The following STT3B variants were observed in gnomAD, a reference collection of about 807,000 sequenced individuals.
STT3B encodes dolichyl-diphosphooligosaccharide--protein glycosyltransferase subunit STT3B.
Under a neutral mutation model 96.8 loss-of-function variants are expected in STT3B, and 29 were observed. That is an observed-to-expected ratio of 0.30 (90% CI 0.22 to 0.41). STT3B has a LOEUF of 0.41. STT3B is among the 10% of genes least tolerant of loss of function. The pLI, the probability that STT3B is intolerant of heterozygous loss-of-function variation, is 1.00. For synonymous variants in STT3B, 367 were observed against 360.0 expected (o/e 1.02, Z -0.22); for missense variants, 640 against 1,022.3 (o/e 0.63, Z 5.10).
chr3:31,572,038 G>GATATATTA (rs1272943458), intron 1 of STT3B, among the ~76,000 whole-genome samples: 1 of 39,832 alleles, frequency 2.5e-5, no homozygotes, highest in East Asian at 4.7e-4. Flanking sequence ...ATTAATATAT[G>GATATATTA]ATATATTAAT....
intron 1 of STT3B, among the ~76,000 whole-genome samples, chr3:31,551,260 C>T (rs569111619): frequency 2.0e-5 from 3 of 151,988 alleles, no homozygotes; most frequent in African/African-American, 7.2e-5. Flanking sequence ...CTGTCACCCA[C>T]AGTGGAGTGC....
At chr3:31,542,719 T>C (rs1237048405) in intron 1 of STT3B, among the ~76,000 whole-genome samples, 1 of 152,312 alleles carries the variant, frequency 6.6e-6, no homozygotes, top group East Asian at 1.9e-4. Flanking sequence ...CTCTAGTGTA[T>C]TTCTTGTAGA....
At chr3:31,602,237 C>CT (rs1698944068) in intron 5 of STT3B, among the ~76,000 whole-genome samples, 1 of 152,014 alleles carries the variant, frequency 6.6e-6, no homozygotes, top group Admixed American at 6.6e-5. Context: ...ATGTATTTCT[C>CT]TACCCCAAAA....
chr3:31,623,913 G>A lies in STT3B; in HGVS notation c.1727+52G>A, dbSNP rs149814711. On this transcript the variant is annotated intron_variant, in intron 11 of 15. Coordinates refer to ENST00000295770, the MANE Select transcript of STT3B (RefSeq NM_178862.3). ...CATTTTATACTTACACTTCTTTTTCGTTGTCTCAAAGGATATAATTAAAAA... is the reference window on the plus strand; with the variant it reads ...CATTTTATACTTACACTTCTTTTTCATTGTCTCAAAGGATATAATTAAAAA... 1,374 of 1,397,142 alleles carry A rather than the reference G, an allele frequency of 9.8e-4. 20 individuals carry two copies. The East Asian group carries it at 0.024, about 24-fold the overall frequency. The allele number at this position is 1,397,142 out of a possible 1,614,324, so 86.5% of individuals were successfully genotyped here.
At chr3:31,544,692 G>A (rs536122898) in intron 1 of STT3B, among the ~76,000 whole-genome samples, 4 of 152,296 alleles carry the variant, frequency 2.6e-5, no homozygotes, top group South Asian at 2.1e-4. Flanking sequence ...CACGGGGCGC[G>A]GTGGCTTATG....
At chr3:31,538,851 G>A (rs528078920) in intron 1 of STT3B, among the ~76,000 whole-genome samples, 1 of 152,176 alleles carries the variant, frequency 6.6e-6, no homozygotes, top group Middle Eastern at 3.4e-3. Context: ...TTCTGAGAAG[G>A]CTTCTGTTGT....
At chr3:31,625,270 C>T (rs1464303236) in intron 12 of STT3B, among the ~76,000 whole-genome samples, 185 bp downstream of exon 12, 1 of 152,048 alleles carries the variant, frequency 6.6e-6, no homozygotes, top group Non-Finnish European at 1.5e-5. Flanking sequence ...AAGAATGATA[C>T]TAAGTATCAT....
chr3:31,580,781 A>G (rs1240755203), intron 3 of STT3B, among the ~76,000 whole-genome samples: 1 of 152,128 alleles, frequency 6.6e-6, no homozygotes, highest in Non-Finnish European at 1.5e-5. Flanking sequence ...TTGCAATGTG[A>G]TCAGTATAGA....
intron 8 of STT3B, 82 bp downstream of exon 8, chr3:31,618,070 A>C: frequency 1.0e-6 from 1 of 992,992 alleles, no homozygotes; most frequent in South Asian, 1.3e-5. Context: ...TCAGTGTTTC[A>C]CTCAGTTCTT....
rs1699603716 is a variant in STT3B, at chr3:31,629,262, T to G, written c.2074-36T>G. 4 of 1,153,526 alleles carry G rather than the reference T, an allele frequency of 3.5e-6. No individual in the cohort carries two copies. The East Asian group carries it at 7.1e-5, about 20-fold the overall frequency. 71.5% of individuals were successfully genotyped at this position (1,153,526 alleles called of 1,614,324 possible). A position where few individuals can be genotyped will look rare whatever the true frequency, so the allele number is the denominator to read the frequency against. On this transcript the variant is annotated intron_variant, in intron 13 of 15. Transcript: ENST00000295770. Reference sequence around the variant, plus strand: ...AACTGTAGCTTTGAATATGTTAACTTGAACTAACATAGAACTTGTGGTTTC... The same window carrying G: ...AACTGTAGCTTTGAATATGTTAACTGGAACTAACATAGAACTTGTGGTTTC...
chr3:31,551,790 G>A (rs529988177), intron 1 of STT3B, among the ~76,000 whole-genome samples: 8 of 152,294 alleles, frequency 5.3e-5, no homozygotes, highest in Non-Finnish European at 1.0e-4. Flanking sequence ...ATTATGTGAC[G>A]TTGTGTAAAA....
rs60437490 is a variant in STT3B, at chr3:31,569,432, C to A, written c.315-6964C>A. ...GAGACGGTCTCTTTTTCCCTAAATGCCCCTTGCAGAAAAAGTTCATTAGCT... is the reference window on the plus strand; with the variant it reads ...GAGACGGTCTCTTTTTCCCTAAATGACCCTTGCAGAAAAAGTTCATTAGCT... On this transcript the variant is annotated intron_variant, in intron 1 of 15. Transcript: ENST00000295770. 2.6e-3 allele frequency among the ~76,000 whole-genome samples: 400 copies of A among 152,158 alleles called. 2 individuals carry two copies. Among genetic ancestry groups the A allele is most frequent in the African/African-American group, 9.4e-3 (392 of 41,498 alleles).
At chr3:31,616,140 A>G (rs1699302138) in intron 6 of STT3B, among the ~76,000 whole-genome samples, 1 of 151,916 alleles carries the variant, frequency 6.6e-6, no homozygotes, top group African/African-American at 2.4e-5. Context: ...TGAAGAGTGG[A>G]CAGTCATGTA....
intron 3 of STT3B, among the ~76,000 whole-genome samples, chr3:31,590,463 CTG>C (rs1575429075): frequency 6.6e-6 from 1 of 151,808 alleles, no homozygotes; most frequent in Non-Finnish European, 1.5e-5. Flanking sequence ...GCTGTAGTCT[CTG>C]TGTTTTAATA....
intron 3 of STT3B, among the ~76,000 whole-genome samples, chr3:31,582,806 G>A (rs1698441201): frequency 6.6e-6 from 1 of 152,048 alleles, no homozygotes; most frequent in African/African-American, 2.4e-5. Flanking sequence ...CTGTTGGTAA[G>A]TATCTTGTTT....
In STT3B at chr3:31,578,566, T is replaced by TC. The variant is rs1559372841; in HGVS notation, c.424-1243_424-1242insC. 4.7e-5 allele frequency among the ~76,000 whole-genome samples: 7 copies of TC among 150,398 alleles called. No individual in the cohort carries two copies. In the East Asian group the frequency reaches 8.7e-4, roughly 19 times the overall value. The stretch of plus-strand genomic sequence containing the variant: ...TATTTTAAATTCACTTTGTTTTTTT[T>TC]TCCCCCCCAGTATTGCTGACAAAAT... On this transcript the variant is annotated intron_variant, in intron 2 of 15. Coordinates refer to ENST00000295770, the MANE Select transcript of STT3B (RefSeq NM_178862.3).
intron 1 of STT3B, among the ~76,000 whole-genome samples, chr3:31,539,801 T>C (rs59595001): frequency 0.061 from 9,342 of 152,150 alleles, 961 homozygotes; most frequent in African/African-American, 0.21. Flanking sequence ...TCCAACTGAA[T>C]ATTGTTCTTA....
intron 3 of STT3B, among the ~76,000 whole-genome samples, chr3:31,580,964 C>T (rs967619562): frequency 2.2e-4 from 33 of 149,542 alleles, no homozygotes; most frequent in Non-Finnish European, 2.1e-4. Context: ...ACCTTAAAAT[C>T]GAGAACCTCT....
At chr3:31,571,934 T>TTA (rs1553603979) in intron 1 of STT3B, among the ~76,000 whole-genome samples, 23 of 140,612 alleles carry the variant, frequency 1.6e-4, no homozygotes, top group African/African-American at 5.4e-4. Flanking sequence ...ATATCATATA[T>TTA]ATTATATATA....
Sources: gnomAD v4.1 joint callset for allele counts (sites outside exome capture counted in the v4.1 genomes callset) on GRCh38, gnomAD v4.1.1 for gene constraint, MANE v1.5 for transcripts, NCBI Gene and HGNC (gene_info 2026-07-23, HGNC 2026-07-21) for gene names.